UBE2J2: variants seen among roughly 807,000 people sequenced by gnomAD.
UBE2J2 encodes ubiquitin conjugating enzyme E2 J2, also known as ubiquitin-conjugating enzyme E2 J2.
UBE2J2 carries 5 observed loss-of-function variants against 28.6 expected under a neutral mutation model. The ratio of observed to expected loss-of-function variants is 0.17; its 90% CI spans 0.09 to 0.37. The LOEUF (loss-of-function observed/expected upper bound fraction) is 0.37, where lower values mean the gene tolerates loss of function less well. Among genes scored for constraint, UBE2J2 ranks in the 10% least tolerant of loss-of-function variants. UBE2J2 has a pLI of 1.00. For synonymous variants in UBE2J2, 138 were observed against 139.7 expected, an observed-to-expected ratio of 0.99 and a Z score of 0.09; for missense variants, 226 against 338.9, an observed-to-expected ratio of 0.67 and a Z score of 2.62.
intron 3 of UBE2J2, chr1:1,263,095 T>C (rs559266235): frequency 6.6e-6 from 3 of 452,036 alleles, no homozygotes; most frequent in African/African-American, 4.6e-5. Context: ...TTCTCAGCTA[T>C]GGCCCTATGG....
rs1422786942 is a variant in UBE2J2, at chr1:1,255,506, G to C, written c.496-19C>G. On this transcript the variant is annotated intron_variant, in intron 6 of 6. Coordinates refer to ENST00000349431, the MANE Select transcript of UBE2J2 (RefSeq NM_058167.3). ...TAATCTCCTAAGAGAAAAACAGCGAGAAAAGCAGCTGGTCTCCAACCAGCG... is the reference window on the plus strand; with the variant it reads ...TAATCTCCTAAGAGAAAAACAGCGACAAAAGCAGCTGGTCTCCAACCAGCG... 1.3e-6 allele frequency: 2 copies of C among 1,596,976 alleles called. No homozygotes were observed. The highest frequency in any genetic ancestry group is 2.7e-5 in the African/African-American group (2 of 74,108).
In UBE2J2 at chr1:1,256,987, C is replaced by G; in HGVS notation, c.414+5G>C. 6.7e-7 allele frequency: 1 copy of G among 1,499,434 alleles called. No homozygotes were observed. Among genetic ancestry groups the G allele is most frequent in the Non-Finnish European group, 9.0e-7 (1 of 1,114,542 alleles). 92.9% of individuals were successfully genotyped at this position (1,499,434 alleles called of 1,614,324 possible). On this transcript the variant is annotated splice_donor_5th_base_variant and intron_variant, in intron 5 of 6. Coordinates refer to ENST00000349431, the MANE Select transcript of UBE2J2 (RefSeq NM_058167.3). ...GGCCCACCAGGGAGAGGCTCTAAAA[C>G]TTACCGTGAAGTCCGACGTCTCTAT...
intron 3 of UBE2J2, 199 bp downstream of exon 3, chr1:1,263,147 A>G: frequency 1.8e-6 from 1 of 563,060 alleles, no homozygotes; most frequent in Non-Finnish European, 3.2e-6. Flanking sequence ...GCGGCCCTGC[A>G]GGCTGAGACA....
chr1:1,271,233 A>G (rs890238027), intron 1 of UBE2J2, among the ~76,000 whole-genome samples: 2 of 152,260 alleles, frequency 1.3e-5, no homozygotes, highest in Admixed American at 1.3e-4. Flanking sequence ...TCCTGGCTAA[A>G]GAAGCCAATG....
chr1:1,271,974 C>CAAAAAAAAAA (rs60924258), intron 1 of UBE2J2, among the ~76,000 whole-genome samples: 23 of 27,612 alleles, frequency 8.3e-4, no homozygotes, highest in African/African-American at 1.5e-3. Context: ...AACTCCGTCT[C>CAAAAAAAAAA]AAAAAAAAAA....
chr1:1,272,235 C>T (rs1295086487), intron 1 of UBE2J2, among the ~76,000 whole-genome samples: 3 of 152,080 alleles, frequency 2.0e-5, no homozygotes, highest in Non-Finnish European at 2.9e-5. Flanking sequence ...AACATCCCCA[C>T]AGACAAAGGA....
At chr1:1,262,156 C>T (rs1409873021) in intron 3 of UBE2J2, 22 of 334,454 alleles carry the variant, frequency 6.6e-5, no homozygotes, top group South Asian at 4.3e-4. Context: ...CGCGCCCGGC[C>T]GACCACTACT....
rs1390334317 is a variant in UBE2J2 at position 1,267,766 on chromosome 1, C to A, written c.131+96G>T. On this transcript the variant is annotated intron_variant, in intron 2 of 6. Transcript: ENST00000349431. Reference sequence around the variant, plus strand: ...AGGGTGCAGGAGCACCTTGCCAATGCCATGACTGGGGCACCAGGCTCGCCC... The same window carrying A: ...AGGGTGCAGGAGCACCTTGCCAATGACATGACTGGGGCACCAGGCTCGCCC... 21 of 1,569,690 alleles carry A rather than the reference C, an allele frequency of 1.3e-5. 1 individual carries two copies. The South Asian group carries it at 2.2e-4, about 17-fold the overall frequency.
rs559408347 is a variant in UBE2J2 at position 1,257,140 on chromosome 1, G to A, written c.276-10C>T. Reference sequence around the variant, plus strand: ...GATAGAAAGACACAGCCTGCAAAACGGGGGCCCCGTCAGTGCACACTCCCC... The same window carrying A: ...GATAGAAAGACACAGCCTGCAAAACAGGGGCCCCGTCAGTGCACACTCCCC... On this transcript the variant is annotated splice_polypyrimidine_tract_variant and intron_variant, in intron 4 of 6. Coordinates refer to ENST00000349431, the MANE Select transcript of UBE2J2 (RefSeq NM_058167.3). The A allele has an allele frequency of 6.3e-5, 101 of 1,608,216 alleles. No individual in the cohort carries two copies. In the Middle Eastern group the frequency reaches 8.3e-4, roughly 13 times the overall value.
At position 1,254,269 on chromosome 1, in the gene UBE2J2, C is replaced by G; in HGVS notation, c.*934G>C. 6.6e-6 allele frequency: 1 copy of G among 152,202 alleles called. No individual in the cohort carries two copies. The highest frequency in any genetic ancestry group is 1.9e-4 in the East Asian group (1 of 5,188). The allele number at this position is 152,202 out of a possible 1,614,324, so 9.4% of individuals were successfully genotyped here. On this transcript the variant is annotated 3_prime_UTR_variant, in exon 7 of 7. Transcript: ENST00000349431. Reference sequence around the variant, plus strand: ...CCCCTCTGCCATGTTCCGTGGACAGCGAACACCCGGGCCGGAGCCATTACC... The same window carrying G: ...CCCCTCTGCCATGTTCCGTGGACAGGGAACACCCGGGCCGGAGCCATTACC...
At chr1:1,257,499 C>T (rs1302844190) in intron 3 of UBE2J2, among the ~76,000 whole-genome samples, 189 bp from the exon 4 acceptor site, 2 of 150,022 alleles carry the variant, frequency 1.3e-5, no homozygotes. Context: ...CACTACCACC[C>T]ACTGTCATGA....
rs547897888 is a variant in UBE2J2 at position 1,264,866 on chromosome 1, C to A, written c.132-1480G>T. The A allele has an allele frequency of 4.4e-4, 68 of 154,102 alleles. No individual in the cohort carries two copies. In the South Asian group the frequency reaches 0.013, roughly 30 times the overall value. 9.5% of individuals were successfully genotyped at this position (154,102 alleles called of 1,614,324 possible). On this transcript the variant is annotated intron_variant, in intron 2 of 6. Coordinates refer to ENST00000349431, the MANE Select transcript of UBE2J2 (RefSeq NM_058167.3). ...GAGGTTGCAGTGAGCCGAGGTCACA[C>A]CGCTGCACTCCAGCCTGAGTGACAG...
At chr1:1,262,125 G>A (rs1473585313) in intron 3 of UBE2J2, 3 of 328,604 alleles carry the variant, frequency 9.1e-6, no homozygotes, top group Non-Finnish European at 1.8e-5. Context: ...CCAAAGTGCT[G>A]GAATTACAGG....
chr1:1,264,202 G>A (rs1232001681), intron 2 of UBE2J2, among the ~76,000 whole-genome samples: 1 of 152,172 alleles, frequency 6.6e-6, no homozygotes, highest in Non-Finnish European at 1.5e-5. Flanking sequence ...CCGTGATTGT[G>A]TCCAAAGCCA....
Position 1,255,073 on chromosome 1 carries a change from T to C in UBE2J2, c.*130A>G. 1 of 1,105,274 alleles carries C rather than the reference T, an allele frequency of 9.0e-7. No individual in the cohort carries two copies. Among genetic ancestry groups the C allele is most frequent in the Non-Finnish European group, 1.3e-6 (1 of 795,720 alleles). 68.5% of individuals were successfully genotyped at this position (1,105,274 alleles called of 1,614,324 possible). ...ACACATTTTGGTTTTTGCTTCCCCT[T>C]TCAGGTTTTTAAAAGCTAAACCTAG... is the stretch of plus-strand genomic sequence containing the variant. On this transcript the variant is annotated 3_prime_UTR_variant, in exon 7 of 7. Coordinates refer to ENST00000349431, the MANE Select transcript of UBE2J2 (RefSeq NM_058167.3).
At chr1:1,264,405 ACTGCCAACAC>A (rs1372533025) in intron 2 of UBE2J2, among the ~76,000 whole-genome samples, 2 of 152,258 alleles carry the variant, frequency 1.3e-5, no homozygotes, top group African/African-American at 2.4e-5. Context: ...CATGGCTTCA[ACTGCCAACAC>A]CGGCCAACAC....
chr1:1,259,117 CA>C (rs1639394325), intron 3 of UBE2J2, among the ~76,000 whole-genome samples: 1 of 134,060 alleles, frequency 7.5e-6, no homozygotes, highest in East Asian at 2.1e-4. Context: ...TGCATGCCAT[CA>C]GGACGCACGT....
At chr1:1,256,928 G>A (rs1378180173) in intron 5 of UBE2J2, 64 bp downstream of exon 5, 3 of 1,190,692 alleles carry the variant, frequency 2.5e-6, no homozygotes, top group South Asian at 2.4e-5. Context: ...TGCAACTCAG[G>A]AACAGAGAAC....
rs200370755 is a variant in UBE2J2, at chr1:1,253,947, T to TC, written c.*1255dup. On this transcript the variant is annotated 3_prime_UTR_variant, in exon 7 of 7. Transcript: ENST00000349431. ...AAGATATAATGAAAGACCTTTTTTTTCCACAAGAATAGGTTAAATACATAC... is the reference window on the plus strand; with the variant it reads ...AAGATATAATGAAAGACCTTTTTTTTCCCACAAGAATAGGTTAAATACATAC... 28 of 152,322 alleles carry TC rather than the reference T, an allele frequency of 1.8e-4. No homozygotes were observed. In the East Asian group the frequency reaches 5.0e-3, roughly 27 times the overall value. The allele number at this position is 152,322 out of a possible 1,614,324, so 9.4% of individuals were successfully genotyped here. A position where few individuals can be genotyped will look rare whatever the true frequency, so the allele number is the denominator to read the frequency against.
Sources: gnomAD v4.1 joint callset for allele counts (sites outside exome capture counted in the v4.1 genomes callset) on GRCh38, gnomAD v4.1.1 for gene constraint, MANE v1.5 for transcripts, NCBI Gene and HGNC (gene_info 2026-07-23, HGNC 2026-07-21) for gene names.